The following FRMD4A variants were observed in gnomAD, a reference collection of about 807,000 sequenced individuals.
The protein encoded by FRMD4A is FERM domain-containing protein 4A.
Under a neutral mutation model 129.1 loss-of-function variants are expected in FRMD4A, and 29 were observed. The ratio of observed to expected loss-of-function variants is 0.22; its 90% CI spans 0.17 to 0.31. The LOEUF (loss-of-function observed/expected upper bound fraction) is 0.31. Ranked by LOEUF, FRMD4A falls within the 10% of genes least tolerant of loss-of-function variation. FRMD4A has a pLI of 1.00. For synonymous variants in FRMD4A, 634 were observed against 571.6 expected (o/e 1.11, Z -1.56); for missense variants, 1,272 against 1,375.8 (o/e 0.92, Z 1.19).
Position 14,330,656 on chromosome 10 carries a change from T to C in FRMD4A, c.-141A>G. 2.5e-6 allele frequency: 1 copy of C among 397,680 alleles called. No individual in the cohort carries two copies. The highest frequency in any genetic ancestry group is 4.4e-6 in the Non-Finnish European group (1 of 225,948). 24.6% of individuals were successfully genotyped at this position (397,680 alleles called of 1,614,324 possible). On this transcript the variant is annotated 5_prime_UTR_variant, in exon 1 of 25. Coordinates refer to ENST00000357447, the MANE Select transcript of FRMD4A (RefSeq NM_018027.5). The stretch of plus-strand genomic sequence containing the variant: ...GATAGGTGTGTCCCTTTTTGCAAAA[T>C]CAGATATCTGGGAGTGAGACAGCCG...
At chr10:13,916,726 C>T (rs751354985) in intron 2 of FRMD4A, among the ~76,000 whole-genome samples, 1 of 152,188 alleles carries the variant, frequency 6.6e-6, no homozygotes, top group Non-Finnish European at 1.5e-5. Context: ...TCTAGTGTCT[C>T]ATGCCGATCA....
chr10:14,238,254 T>A (rs34706866), intron 2 of FRMD4A, among the ~76,000 whole-genome samples: 127 of 152,336 alleles, frequency 8.3e-4, no homozygotes, highest in Non-Finnish European at 1.4e-3. Flanking sequence ...TGTTTCCAAG[T>A]TTCTAGGAGA....
chr10:14,090,568 C>G (rs568641442), intron 2 of FRMD4A, among the ~76,000 whole-genome samples: 29 of 152,324 alleles, frequency 1.9e-4, no homozygotes, highest in African/African-American at 6.3e-4. Flanking sequence ...GCAGCATCCC[C>G]CCAGCCGCTC....
At chr10:14,073,189 T>A (rs1835397300) in intron 2 of FRMD4A, among the ~76,000 whole-genome samples, 1 of 152,166 alleles carries the variant, frequency 6.6e-6, no homozygotes, top group South Asian at 2.1e-4. Flanking sequence ...TCATATGCCC[T>A]CCCTGGGGCT....
chr10:13,647,152 G>GTCTT (rs2081173632), intron 24 of FRMD4A, 117 bp from the exon 25 acceptor site: 1 of 158,736 alleles, frequency 6.3e-6, no homozygotes. Context: ...CTAATCACGA[G>GTCTT]TCTTTCCTGT....
rs185260337 is a variant in FRMD4A, at chr10:14,005,886, G to A, written c.46-146974C>T. Among the ~76,000 whole-genome samples the A allele has an allele frequency of 1.3e-3, 203 of 152,314 alleles. 1 individual carries two copies. The highest frequency in any genetic ancestry group is 4.7e-3 in the African/African-American group (196 of 41,572). On this transcript the variant is annotated intron_variant, in intron 2 of 24. Transcript: ENST00000357447. ...TAGTGACTCGCAATGGTAAAGCAGG[G>A]GAATGAACTGAAAGCCTTACAGAAA...
chr10:13,853,391 T>TA (rs1370687342), intron 3 of FRMD4A, among the ~76,000 whole-genome samples: 11 of 151,930 alleles, frequency 7.2e-5, no homozygotes, highest in Admixed American at 4.6e-4. Context: ...TCTAAAAATT[T>TA]AAAAAATTAG....
chr10:13,953,804 G>A (rs2095390450), intron 2 of FRMD4A, among the ~76,000 whole-genome samples: 1 of 152,168 alleles, frequency 6.6e-6, no homozygotes, highest in Non-Finnish European at 1.5e-5. Context: ...TGTATATAGG[G>A]TTTGGTACTA....
intron 2 of FRMD4A, among the ~76,000 whole-genome samples, chr10:14,150,543 G>A (rs1233177338): frequency 1.3e-5 from 2 of 152,016 alleles, no homozygotes; most frequent in Non-Finnish European, 2.9e-5. Context: ...CCCTCTCCCA[G>A]CCTCCCCCAA....
intron 4 of FRMD4A, among the ~76,000 whole-genome samples, chr10:13,797,352 G>A (rs905898272): frequency 2.0e-5 from 3 of 152,274 alleles, no homozygotes; most frequent in East Asian, 1.9e-4. Flanking sequence ...TAAACTTACC[G>A]CCAGGGGCAG....
At chr10:14,315,364 T>C (rs1332916798) in intron 2 of FRMD4A, among the ~76,000 whole-genome samples, 1 of 152,232 alleles carries the variant, frequency 6.6e-6, no homozygotes, top group Non-Finnish European at 1.5e-5. Flanking sequence ...TCATTAGTCC[T>C]TAGAAACCTA....
Position 14,315,162 on chromosome 10 carries a change from G to A in FRMD4A, c.45+14896C>T, listed in dbSNP as rs371105363. Among the ~76,000 whole-genome samples the A allele has an allele frequency of 2.6e-5, 4 of 151,454 alleles. No individual in the cohort carries two copies. The East Asian group carries it at 7.7e-4, about 29-fold the overall frequency. ...TTTCAATGCCTCATCCATGGATCCC[G>A]GCTCTTCTCTGTCTATTCTCCCCAG... On this transcript the variant is annotated intron_variant, in intron 2 of 24. Transcript: ENST00000357447.
chr10:13,993,105 T>A (rs539200124), intron 2 of FRMD4A, among the ~76,000 whole-genome samples: 1 of 152,314 alleles, frequency 6.6e-6, no homozygotes, highest in East Asian at 1.9e-4. Flanking sequence ...CAAAGTTGCC[T>A]TATCCGGCAA....
At chr10:14,143,191 G>T (rs571483914) in intron 2 of FRMD4A, among the ~76,000 whole-genome samples, 1 of 152,206 alleles carries the variant, frequency 6.6e-6, no homozygotes, top group Non-Finnish European at 1.5e-5. Flanking sequence ...GTCCATCATT[G>T]CAGCATTATT....
rs2087621153 is a variant in FRMD4A, at chr10:13,707,796, C to T, written c.760-683G>A. ...AGTTCTGTCGCCCGGAAGGACGCTG[C>T]GGCCAGAGTCTCTCCCTCAAGCTTG... is the stretch of plus-strand genomic sequence containing the variant. On this transcript the variant is annotated intron_variant, in intron 12 of 24. Transcript: ENST00000357447. 19 of 985,228 alleles carry T rather than the reference C, an allele frequency of 1.9e-5. 1 individual carries two copies. In the South Asian group the frequency reaches 3.3e-4, roughly 17 times the overall value. The allele number at this position is 985,228 out of a possible 1,614,324, so 61.0% of individuals were successfully genotyped here. A position where few individuals can be genotyped will look rare whatever the true frequency, so the allele number is the denominator to read the frequency against.
chr10:13,728,949 A>G (rs549447091), intron 12 of FRMD4A, among the ~76,000 whole-genome samples: 88 of 152,268 alleles, frequency 5.8e-4, no homozygotes, highest in African/African-American at 2.1e-3. Flanking sequence ...GTGATTTGAG[A>G]AGGAGGATGT....
chr10:13,844,271 T>C (rs1266012138), intron 3 of FRMD4A, among the ~76,000 whole-genome samples: 2 of 152,212 alleles, frequency 1.3e-5, no homozygotes, highest in Non-Finnish European at 2.9e-5. Context: ...GTTAAACCAA[T>C]GTTTAATGTT....
intron 6 of FRMD4A, among the ~76,000 whole-genome samples, chr10:13,766,258 C>T (rs979568377): frequency 6.6e-6 from 1 of 152,174 alleles, no homozygotes; most frequent in East Asian, 1.9e-4. Flanking sequence ...AATATCTAAC[C>T]TGATTGATTC....
intron 2 of FRMD4A, among the ~76,000 whole-genome samples, chr10:13,989,177 C>T (rs141805210): frequency 4.1e-4 from 63 of 152,178 alleles, no homozygotes; most frequent in Non-Finnish European, 7.9e-4. Flanking sequence ...TCCCATCCCA[C>T]ACTGCGTCTT....
Sources: allele counts gnomAD v4.1 joint callset (sites outside exome capture counted in the v4.1 genomes callset), GRCh38; gene constraint gnomAD v4.1.1; transcripts MANE v1.5; gene names NCBI Gene and HGNC (gene_info 2026-07-23, HGNC 2026-07-21).